ERC2: variants seen among roughly 807,000 people sequenced by gnomAD.
The protein encoded by ERC2 is ERC protein 2.
A neutral mutation model predicts 114.8 loss-of-function variants in ERC2; 42 were observed. The observed-to-expected ratio is 0.37, with a 90% CI of 0.29 to 0.47. The LOEUF (loss-of-function observed/expected upper bound fraction) is 0.47, where lower values mean the gene tolerates loss of function less well. Ranked by LOEUF, ERC2 falls within the 20% of genes least tolerant of loss-of-function variation. The pLI is 0.99. For missense variants in ERC2, 939 were observed against 1,150.7 expected, an observed-to-expected ratio of 0.82 and a Z score of 2.66; for synonymous variants, 454 against 425.5, an observed-to-expected ratio of 1.07 and a Z score of -0.82.
chr3:56,435,605 A>G lies in ERC2; in HGVS notation c.-140-458T>C, dbSNP rs145626933. Among the ~76,000 whole-genome samples, 198 of 152,298 alleles carry G rather than the reference A, an allele frequency of 1.3e-3. 2 individuals carry two copies. In the East Asian group the frequency reaches 0.034, roughly 26 times the overall value. On this transcript the variant is annotated intron_variant, in intron 1 of 17. Coordinates refer to ENST00000288221, the MANE Select transcript of ERC2 (RefSeq NM_015576.3). ...GCTGCTGATTCCTGGGATGTCAAAT[A>G]TTTGGCATTCATGTTGTTACCTTCC...
chr3:56,034,295 T>C (rs1444559765), intron 7 of ERC2, among the ~76,000 whole-genome samples: 4 of 152,008 alleles, frequency 2.6e-5, no homozygotes, highest in Admixed American at 6.6e-5. Context: ...TATAAATATA[T>C]ATATATATGC....
rs189578594 is a variant in ERC2 at position 56,094,628 on chromosome 3, G to T, written c.1474-13644C>A. On this transcript the variant is annotated intron_variant, in intron 6 of 17. Transcript: ENST00000288221. ...TTTACCTAACCTAAATTTCATGTCA[G>T]GAGGTGAATGATCCAGCTGTACTGT... Among the ~76,000 whole-genome samples, 90 of 152,320 alleles carry T rather than the reference G, an allele frequency of 5.9e-4. 1 individual carries two copies. The highest frequency in any genetic ancestry group is 2.1e-3 in the African/African-American group (87 of 41,574).
At chr3:55,596,442 G>A (rs1186435623) in intron 17 of ERC2, among the ~76,000 whole-genome samples, 1 of 152,078 alleles carries the variant, frequency 6.6e-6, no homozygotes, top group East Asian at 1.9e-4. Context: ...AGCTTGGCAT[G>A]GTGACATATG....
chr3:55,678,787 A>G (rs1433872097), intron 17 of ERC2, among the ~76,000 whole-genome samples: 1 of 152,126 alleles, frequency 6.6e-6, no homozygotes, highest in African/African-American at 2.4e-5. Context: ...CCCCACCACC[A>G]CCAATAATGG....
intron 13 of ERC2, among the ~76,000 whole-genome samples, chr3:55,896,430 T>A (rs2063845550): frequency 6.6e-6 from 1 of 152,126 alleles, no homozygotes; most frequent in African/African-American, 2.4e-5. Context: ...AGTTGGAGAA[T>A]CACAGTAATT....
intron 2 of ERC2, among the ~76,000 whole-genome samples, chr3:56,299,333 T>C (rs577787029): frequency 6.6e-6 from 1 of 151,910 alleles, no homozygotes; most frequent in Admixed American, 6.6e-5. Flanking sequence ...TTTCACAGTG[T>C]TAGTCAGGAT....
intron 13 of ERC2, among the ~76,000 whole-genome samples, chr3:55,925,706 C>T (rs936750992): frequency 2.6e-5 from 4 of 152,058 alleles, no homozygotes; most frequent in Non-Finnish European, 5.9e-5. Flanking sequence ...GATTTAAAGA[C>T]AAAACCAAGT....
chr3:55,881,995 T>A (rs940892250), intron 14 of ERC2, among the ~76,000 whole-genome samples: 1 of 152,218 alleles, frequency 6.6e-6, no homozygotes, highest in Non-Finnish European at 1.5e-5. Context: ...AAGACCAGAC[T>A]GAAGAAGGGT....
intron 2 of ERC2, among the ~76,000 whole-genome samples, chr3:56,303,396 A>G (rs2056020885): frequency 6.6e-6 from 1 of 152,210 alleles, no homozygotes; most frequent in Admixed American, 6.5e-5. Context: ...ACGCAAATGG[A>G]AGGGGAGATA....
intron 2 of ERC2, among the ~76,000 whole-genome samples, chr3:56,329,491 G>A (rs1190051297): frequency 6.6e-6 from 1 of 152,108 alleles, no homozygotes; most frequent in Non-Finnish European, 1.5e-5. Context: ...TTTGAAATAT[G>A]CCCAGAGTAT....
intron 2 of ERC2, among the ~76,000 whole-genome samples, chr3:56,428,927 C>T (rs142671536): frequency 7.6e-4 from 116 of 152,254 alleles, no homozygotes; most frequent in African/African-American, 2.7e-3. Context: ...GTGTGTGGTG[C>T]TATTTATATT....
intron 14 of ERC2, among the ~76,000 whole-genome samples, chr3:55,840,375 T>A (rs2061078908): frequency 6.6e-6 from 1 of 151,838 alleles, no homozygotes; most frequent in Admixed American, 6.6e-5. Flanking sequence ...CATGAAAAAA[T>A]GTTCAAGTTC....
intron 2 of ERC2, among the ~76,000 whole-genome samples, chr3:56,340,830 A>G (rs1178767744): frequency 1.3e-5 from 2 of 152,186 alleles, no homozygotes; most frequent in African/African-American, 2.4e-5. Flanking sequence ...TTCTCTCTAT[A>G]TGGTGCAAAA....
At chr3:56,248,683 C>A (rs1218219609) in intron 3 of ERC2, among the ~76,000 whole-genome samples, 2 of 152,210 alleles carry the variant, frequency 1.3e-5, no homozygotes, top group Non-Finnish European at 2.9e-5. Context: ...ATAACTAATT[C>A]TGTAAACACA....
At chr3:56,452,561 G>A (rs2062869373) in intron 1 of ERC2, among the ~76,000 whole-genome samples, 3 of 152,156 alleles carry the variant, frequency 2.0e-5, no homozygotes, top group African/African-American at 4.8e-5. Flanking sequence ...CCAGCTTTAT[G>A]TTTATACAAT....
At chr3:55,574,756 G>A (rs1379082433) in intron 17 of ERC2, among the ~76,000 whole-genome samples, 3 of 152,198 alleles carry the variant, frequency 2.0e-5, no homozygotes, top group Non-Finnish European at 4.4e-5. Context: ...GTTGATCACT[G>A]AGGCTGTCTC....
At chr3:55,913,625 GA>G (rs2064937335) in intron 13 of ERC2, among the ~76,000 whole-genome samples, 1 of 152,070 alleles carries the variant, frequency 6.6e-6, no homozygotes, top group African/African-American at 2.4e-5. Flanking sequence ...ATATTTTATG[GA>G]AAAAGAAAAG....
chr3:55,579,447 TG>T (rs1291603125), intron 17 of ERC2, among the ~76,000 whole-genome samples: 2 of 152,220 alleles, frequency 1.3e-5, no homozygotes, highest in African/African-American at 4.8e-5. Flanking sequence ...GAGACATATT[TG>T]CCCCATGGGA....
intron 15 of ERC2, among the ~76,000 whole-genome samples, chr3:55,719,338 T>C (rs1318765076): frequency 6.6e-6 from 1 of 152,158 alleles, no homozygotes; most frequent in South Asian, 2.1e-4. Context: ...CAGAATGTGA[T>C]AACTAAGTCT....
Sources: gnomAD v4.1 joint callset for allele counts (sites outside exome capture counted in the v4.1 genomes callset) on GRCh38, gnomAD v4.1.1 for gene constraint, MANE v1.5 for transcripts, NCBI Gene and HGNC (gene_info 2026-07-23, HGNC 2026-07-21) for gene names.